The following ONECUT3 variants were observed in gnomAD, a reference collection of about 807,000 sequenced individuals.
ONECUT3 encodes one cut domain family member 3.
A neutral mutation model predicts 16.8 loss-of-function variants in ONECUT3; 11 were observed. The ratio of observed to expected loss-of-function variants is 0.66; its 90% confidence interval spans 0.41 to 1.09. The LOEUF is 1.09. Among genes scored for constraint, ONECUT3 ranks in the 50% least tolerant of loss-of-function variants. The pLI is 0.00. For synonymous variants in ONECUT3, 344 were observed against 310.7 expected, an observed-to-expected ratio of 1.11 and a Z score of -1.13; for missense variants, 637 against 629.9, an observed-to-expected ratio of 1.01 and a Z score of -0.12.
intron 1 of ONECUT3, among the ~76,000 whole-genome samples, chr19:1,757,007 A>G (rs2067919691): frequency 6.6e-6 from 1 of 151,848 alleles, no homozygotes; most frequent in Admixed American, 6.6e-5. Context: ...ACCACTCTCC[A>G]TTTTTCCCAC....
At chr19:1,769,897 C>T (rs2068038205) in intron 1 of ONECUT3, among the ~76,000 whole-genome samples, 1 of 152,072 alleles carries the variant, frequency 6.6e-6, no homozygotes, top group Non-Finnish European at 1.5e-5. Context: ...CAGCCTCTGC[C>T]TCTGGGGTCC....
chr19:1,775,126 G>GGGGC, intron 1 of ONECUT3, 27 bp from the exon 2 acceptor site: 6 of 1,143,886 alleles, frequency 5.2e-6, no homozygotes, highest in East Asian at 2.9e-5. Flanking sequence ...TGTCCCGCTC[G>GGGGC]CCCGCCCGCC....
intron 1 of ONECUT3, among the ~76,000 whole-genome samples, chr19:1,772,278 G>T (rs2145966985): frequency 6.6e-6 from 1 of 152,164 alleles, no homozygotes; most frequent in Middle Eastern, 3.4e-3. Context: ...CTCCCAAAGT[G>T]CTGGGATTAC....
intron 1 of ONECUT3, among the ~76,000 whole-genome samples, chr19:1,756,277 A>G (rs1039082140): frequency 1.3e-5 from 2 of 152,178 alleles, no homozygotes; most frequent in African/African-American, 4.8e-5. Context: ...GACTAGCTGG[A>G]ACCTCTTATG....
In ONECUT3 at chr19:1,773,256, C is replaced by G. The variant is rs570910827; in HGVS notation, c.1193-1897C>G. ...ACCATTTTTCTCCATTGTTCTCCCC[C>G]CTCCTGCCTCCCTCCCTCTCTCTCT... On this transcript the variant is annotated intron_variant, in intron 1 of 1. Coordinates refer to ENST00000382349, the MANE Select transcript of ONECUT3 (RefSeq NM_001080488.2). Among the ~76,000 whole-genome samples, 8 of 150,750 alleles carry G rather than the reference C, an allele frequency of 5.3e-5. No individual in the cohort carries two copies. The East Asian group carries it at 5.9e-4, about 11-fold the overall frequency.
In ONECUT3 at chr19:1,758,325, G is replaced by GAGAGAGAGAC. The variant is rs1555799080; in HGVS notation, c.1192+3480_1192+3481insCAGAGAGAGA. ...CAAAAAAAAAAAAAAAAGAGAGAGA[G>GAGAGAGAGAC]AGAGAGAGAGACAGAGATGGGAGAG... is the stretch of plus-strand genomic sequence containing the variant. On this transcript the variant is annotated intron_variant, in intron 1 of 1. Coordinates refer to ENST00000382349, the MANE Select transcript of ONECUT3 (RefSeq NM_001080488.2). This position sits in a 1 kb window ranked among gnomAD's most constrained non-coding sequence, Gnocchi z 5.9. 1.5e-4 allele frequency among the ~76,000 whole-genome samples: 22 copies of GAGAGAGAGAC among 148,940 alleles called. No individual in the cohort carries two copies. Among genetic ancestry groups the GAGAGAGAGAC allele is most frequent in the African/African-American group, 5.5e-4 (22 of 40,142 alleles).
chr19:1,772,999 G>C (rs193199347), intron 1 of ONECUT3, among the ~76,000 whole-genome samples: 2 of 151,686 alleles, frequency 1.3e-5, no homozygotes, highest in Non-Finnish European at 2.9e-5. Flanking sequence ...CACCGCGCCC[G>C]GCCAATATCT....
At chr19:1,760,802 C>T (rs1266666513) in intron 1 of ONECUT3, among the ~76,000 whole-genome samples, 3 of 152,134 alleles carry the variant, frequency 2.0e-5, no homozygotes, top group East Asian at 1.9e-4. Context: ...GAGACAGGGA[C>T]GCTCGCCCCC....
At position 1,754,895 on chromosome 19, in the gene ONECUT3, G is replaced by A; in HGVS notation, c.1192+41G>A. The A allele has an allele frequency of 2.2e-6, 3 of 1,346,214 alleles. No individual in the cohort carries two copies. The highest frequency in any genetic ancestry group is 3.4e-5 in the South Asian group (2 of 58,464). 83.4% of individuals were successfully genotyped at this position (1,346,214 alleles called of 1,614,324 possible). A position where few individuals can be genotyped will look rare whatever the true frequency, so the allele number is the denominator to read the frequency against. Reference sequence around the variant, plus strand: ...GCAGGGCCAGACCCTGGGGGCGCCGGCTCTGGACTCCCGAGCACCTAGCGG... The same window carrying A: ...GCAGGGCCAGACCCTGGGGGCGCCGACTCTGGACTCCCGAGCACCTAGCGG... On this transcript the variant is annotated intron_variant, in intron 1 of 1. Transcript: ENST00000382349. This position sits in a 1 kb window ranked among gnomAD's most constrained non-coding sequence, Gnocchi z 7.4.
chr19:1,754,115 G>GC lies in ONECUT3; in HGVS notation c.458dup (p.Pro154AlafsTer322). ...CGCACCCGCACCCGGCGGCCGCGCC[G>GC]CCCCCGCCACCCCCGCCGCAGCGTC... On this transcript the variant is annotated frameshift_variant, in exon 1 of 2. Coordinates refer to ENST00000382349, the MANE Select transcript of ONECUT3 (RefSeq NM_001080488.2). LOFTEE classifies it high-confidence loss of function. The surrounding 1 kb of genome is among the most constrained non-coding windows in gnomAD (Gnocchi z 7.4). 1 of 1,008,484 alleles carries GC rather than the reference G, an allele frequency of 9.9e-7. No homozygotes were observed. The allele number at this position is 1,008,484 out of a possible 1,614,324, so 62.5% of individuals were successfully genotyped here.
chr19:1,777,927 A>AGAGGTTGCAGTGAGCC lies in ONECUT3; in HGVS notation c.*2486_*2501dup, dbSNP rs1362371262. 4 of 141,874 alleles carry AGAGGTTGCAGTGAGCC rather than the reference A, an allele frequency of 2.8e-5. No homozygotes were observed. Among genetic ancestry groups the AGAGGTTGCAGTGAGCC allele is most frequent in the African/African-American group, 1.1e-4 (4 of 37,054 alleles). The allele number at this position is 141,874 out of a possible 1,614,324, so 8.8% of individuals were successfully genotyped here. A position where few individuals can be genotyped will look rare whatever the true frequency, so the allele number is the denominator to read the frequency against. On this transcript the variant is annotated 3_prime_UTR_variant, in exon 2 of 2. Coordinates refer to ENST00000382349, the MANE Select transcript of ONECUT3 (RefSeq NM_001080488.2). ...GGAGAATCTCTTGAAACTGGAAGGCAGAGGTTGCAGTGAGCCGAGATTGCG... is the reference window on the plus strand; with the variant it reads ...GGAGAATCTCTTGAAACTGGAAGGCAGAGGTTGCAGTGAGCCGAGGTTGCAGTGAGCCGAGATTGCG...
At chr19:1,756,280 C>G (rs565403719) in intron 1 of ONECUT3, among the ~76,000 whole-genome samples, 26 of 152,190 alleles carry the variant, frequency 1.7e-4, no homozygotes, top group Non-Finnish European at 3.4e-4. Context: ...TAGCTGGAAC[C>G]TCTTATGGGA....
rs954554765 is a variant in ONECUT3 at position 1,759,901 on chromosome 19, C to G, written c.1192+5047C>G. On this transcript the variant is annotated intron_variant, in intron 1 of 1. Coordinates refer to ENST00000382349, the MANE Select transcript of ONECUT3 (RefSeq NM_001080488.2). This position sits in a 1 kb window ranked among gnomAD's most constrained non-coding sequence, Gnocchi z 4.1. The stretch of plus-strand genomic sequence containing the variant: ...CGAGAACCAGACCCACGTGGGGCTG[C>G]GCGCGAGACTCAGGTGACTCTGGTG... Among the ~76,000 whole-genome samples the G allele has an allele frequency of 6.6e-6, 1 of 152,116 alleles. No homozygotes were observed. Among genetic ancestry groups the G allele is most frequent in the Non-Finnish European group, 1.5e-5 (1 of 68,002 alleles).
intron 1 of ONECUT3, among the ~76,000 whole-genome samples, chr19:1,774,803 C>T (rs2068089663): frequency 6.6e-6 from 1 of 151,730 alleles, no homozygotes; most frequent in Non-Finnish European, 1.5e-5. Flanking sequence ...TTTGTCCTCC[C>T]CCCACCCCCA....
rs1404876931 is a variant in ONECUT3, at chr19:1,779,812, G to A, written c.*4367G>A. ...TGTGTCCAGCCGGGACAGGTGGACG[G>A]GGCCCCAGGTAGAGGGGGCGGGAAC... is the stretch of plus-strand genomic sequence containing the variant. On this transcript the variant is annotated 3_prime_UTR_variant, in exon 2 of 2. Coordinates refer to ENST00000382349, the MANE Select transcript of ONECUT3 (RefSeq NM_001080488.2). The A allele has an allele frequency of 1.3e-5, 2 of 151,984 alleles. No individual in the cohort carries two copies. The highest frequency in any genetic ancestry group is 4.8e-5 in the African/African-American group (2 of 41,340). The allele number at this position is 151,984 out of a possible 1,614,324, so 9.4% of individuals were successfully genotyped here. A position where few individuals can be genotyped will look rare whatever the true frequency, so the allele number is the denominator to read the frequency against.
rs1442895716 is a variant in ONECUT3 at position 1,776,927 on chromosome 19, C to G, written c.*1482C>G. ...TCACGCCTGATACCAAAGATTTCTC[C>G]CAAGGATTTGTGCTGGATGACAGGA... On this transcript the variant is annotated 3_prime_UTR_variant, in exon 2 of 2. Transcript: ENST00000382349. The surrounding 1 kb of genome is among the most constrained non-coding windows in gnomAD (Gnocchi z 4.9). The G allele has an allele frequency of 6.6e-6, 1 of 152,198 alleles. No individual in the cohort carries two copies. The highest frequency in any genetic ancestry group is 1.5e-5 in the Non-Finnish European group (1 of 68,042). The allele number at this position is 152,198 out of a possible 1,614,324, so 9.4% of individuals were successfully genotyped here. A position where few individuals can be genotyped will look rare whatever the true frequency, so the allele number is the denominator to read the frequency against.
At chr19:1,769,078 AGTGGAG>A (rs200963060) in intron 1 of ONECUT3, among the ~76,000 whole-genome samples, 3,651 of 41,664 alleles carry the variant, frequency 0.088, 256 homozygotes, top group African/African-American at 0.27. Flanking sequence ...AGGTGGTGGA[AGTGGAG>A]GTGGAGGTGA....
Position 1,778,943 on chromosome 19 carries a change from C to G in ONECUT3, c.*3498C>G, listed in dbSNP as rs1230367108. On this transcript the variant is annotated 3_prime_UTR_variant, in exon 2 of 2. Transcript: ENST00000382349. The stretch of plus-strand genomic sequence containing the variant: ...ACCTGTTTCCGGACCCCACCCCAAA[C>G]TTGGCCAGACCCCCACAGAAGGCTC... The G allele has an allele frequency of 6.6e-6, 1 of 152,186 alleles. No homozygotes were observed. Among genetic ancestry groups the G allele is most frequent in the African/African-American group, 2.4e-5 (1 of 41,104 alleles). The allele number at this position is 152,186 out of a possible 1,614,324, so 9.4% of individuals were successfully genotyped here. A position where few individuals can be genotyped will look rare whatever the true frequency, so the allele number is the denominator to read the frequency against.
chr19:1,765,784 C>T (rs1045668238), intron 1 of ONECUT3, among the ~76,000 whole-genome samples: 2 of 152,220 alleles, frequency 1.3e-5, no homozygotes, highest in Admixed American at 6.5e-5. Context: ...CCACTCGGCC[C>T]GCAGAGCCCA....
Sources: allele counts gnomAD v4.1 joint callset (sites outside exome capture counted in the v4.1 genomes callset), GRCh38; gene constraint gnomAD v4.1.1; non-coding constraint Gnocchi (gnomAD v3.1); transcripts MANE v1.5; gene names NCBI Gene and HGNC (gene_info 2026-07-23, HGNC 2026-07-21).